Variants in SGCD observed in about 807,000 individuals in gnomAD.
SGCD encodes the protein sarcoglycan delta.
SGCD carries 18 observed loss-of-function variants against 36.6 expected under a neutral mutation model. The observed-to-expected ratio is 0.49, with a 90% CI of 0.34 to 0.73. SGCD has a LOEUF of 0.73. Among genes scored for constraint, SGCD ranks in the 30% least tolerant of loss-of-function variants. The pLI is 0.01. For missense variants in SGCD, 387 were observed against 346.7 expected (o/e 1.12, Z -0.92); for synonymous variants, 133 against 130.6 (o/e 1.02, Z -0.12).
intron 1 of SGCD, among the ~76,000 whole-genome samples, chr5:155,931,850 A>G (rs1409857724): frequency 6.6e-6 from 1 of 152,206 alleles, no homozygotes; most frequent in Admixed American, 6.5e-5. Context: ...TGTAAACTAC[A>G]GTAACTTATT....
chr5:156,561,484 G>T (rs1293637957), intron 4 of SGCD, among the ~76,000 whole-genome samples: 2 of 152,206 alleles, frequency 1.3e-5, no homozygotes, highest in East Asian at 1.9e-4. Flanking sequence ...TATAAGCAAC[G>T]CAGTGAAACT....
chr5:156,213,023 T>C (rs1197660336), intron 3 of SGCD, among the ~76,000 whole-genome samples: 1 of 151,962 alleles, frequency 6.6e-6, no homozygotes, highest in Non-Finnish European at 1.5e-5. Flanking sequence ...AAGTTTATAG[T>C]AATAAATGTC....
intron 3 of SGCD, among the ~76,000 whole-genome samples, chr5:156,130,726 T>C (rs904929921): frequency 8.5e-5 from 13 of 152,086 alleles, no homozygotes; most frequent in African/African-American, 3.1e-4. Flanking sequence ...TTTTCTTTCT[T>C]TCTTTTTTTT....
intron 8 of SGCD, among the ~76,000 whole-genome samples, chr5:156,758,375 T>TA (rs1405575823): frequency 7.1e-6 from 1 of 140,752 alleles, no homozygotes; most frequent in Non-Finnish European, 1.5e-5. Context: ...ATCATAGAGT[T>TA]AAAAAATCTG....
At chr5:155,782,495 A>T in the SGCD span, among the ~76,000 whole-genome samples, 1 of 152,170 alleles carries the variant, frequency 6.6e-6, no homozygotes. Flanking sequence ...AATACAGACT[A>T]GTTCATTATT....
chr5:156,444,903 G>A (rs79635352), intron 3 of SGCD, among the ~76,000 whole-genome samples: 2,554 of 152,166 alleles, frequency 0.017, 69 homozygotes, highest in African/African-American at 0.057. Context: ...GGATAGATGG[G>A]GCTAAGTAGT....
chr5:156,365,363 G>A (rs1035842326), intron 3 of SGCD, among the ~76,000 whole-genome samples: 1 of 152,146 alleles, frequency 6.6e-6, no homozygotes, highest in Non-Finnish European at 1.5e-5. Context: ...CAAGGTTTAG[G>A]AAACTACATT....
chr5:155,816,986 T>G, the SGCD span, among the ~76,000 whole-genome samples: 1 of 152,204 alleles, frequency 6.6e-6, no homozygotes, highest in Non-Finnish European at 1.5e-5. Flanking sequence ...CTACAAGCCT[T>G]CACTACATAT....
chr5:156,264,564 T>G (rs1452891678), intron 3 of SGCD, among the ~76,000 whole-genome samples: 2 of 152,164 alleles, frequency 1.3e-5, no homozygotes, highest in African/African-American at 4.8e-5. Context: ...TCACTTTGTT[T>G]TAAGCATTCC....
intron 3 of SGCD, among the ~76,000 whole-genome samples, chr5:156,220,313 T>A (rs1229395691): frequency 6.6e-6 from 1 of 152,196 alleles, no homozygotes; most frequent in Non-Finnish European, 1.5e-5. Context: ...GTTTGTTCCA[T>A]TTTGATGTTG....
the SGCD span, among the ~76,000 whole-genome samples, chr5:155,836,596 T>C: frequency 2.0e-5 from 3 of 152,124 alleles, no homozygotes; most frequent in African/African-American, 7.2e-5. Flanking sequence ...GCAGCTCTGC[T>C]CTCAAGCCCT....
chr5:156,603,424 T>A (rs1014692085), intron 6 of SGCD, among the ~76,000 whole-genome samples: 3 of 152,066 alleles, frequency 2.0e-5, no homozygotes, highest in Non-Finnish European at 4.4e-5. Context: ...CTTTTTTAAT[T>A]CTACTCGATC....
intron 1 of SGCD, among the ~76,000 whole-genome samples, chr5:155,915,110 G>T (rs1561648540): frequency 6.6e-6 from 1 of 152,114 alleles, no homozygotes; most frequent in Non-Finnish European, 1.5e-5. Context: ...TTGGGAAAAT[G>T]AAAGGGATAC....
At chr5:155,746,025 C>G in the SGCD span, among the ~76,000 whole-genome samples, 1 of 151,822 alleles carries the variant, frequency 6.6e-6, no homozygotes, top group Non-Finnish European at 1.5e-5. Context: ...TGACACATAC[C>G]GAAATATTTA....
intron 6 of SGCD, among the ~76,000 whole-genome samples, chr5:156,613,546 T>C (rs981164534): frequency 4.6e-5 from 7 of 152,196 alleles, no homozygotes; most frequent in African/African-American, 1.7e-4. Context: ...CTTTCCACTA[T>C]TCCCCCAACT....
intron 7 of SGCD, among the ~76,000 whole-genome samples, chr5:156,755,262 A>T (rs1757293993): frequency 6.6e-6 from 1 of 152,130 alleles, no homozygotes; most frequent in Non-Finnish European, 1.5e-5. Context: ...TGACAGGAGG[A>T]CTCTCACCTT....
intron 6 of SGCD, among the ~76,000 whole-genome samples, chr5:156,642,287 T>TCCC (rs1160314845): frequency 6.6e-6 from 1 of 151,902 alleles, no homozygotes; most frequent in Non-Finnish European, 1.5e-5. Context: ...AAACAAGTAA[T>TCCC]CCATAACATG....
chr5:156,293,910 G>A, intron 3 of SGCD, among the ~76,000 whole-genome samples: 1 of 152,106 alleles, frequency 6.6e-6, no homozygotes, highest in East Asian at 1.9e-4. Context: ...TAAATCTGTA[G>A]ATCATTTTGA....
At chr5:156,641,944 C>G (rs114326658) in intron 6 of SGCD, among the ~76,000 whole-genome samples, 194 of 152,272 alleles carry the variant, frequency 1.3e-3, no homozygotes, top group African/African-American at 4.4e-3. Flanking sequence ...TCATTCTGGG[C>G]TGCTATAGCA....
Sources: allele counts gnomAD v4.1 joint callset (sites outside exome capture counted in the v4.1 genomes callset), GRCh38; gene constraint gnomAD v4.1.1; transcripts MANE v1.5; gene names NCBI Gene and HGNC (gene_info 2026-07-23, HGNC 2026-07-21).